ZSCAN18: variants seen among roughly 807,000 people sequenced by gnomAD.
ZSCAN18 encodes zinc finger and SCAN domain-containing protein 18.
A neutral mutation model predicts 31.1 loss-of-function variants in ZSCAN18; 16 were observed. The observed-to-expected ratio is 0.51, with a 90% CI of 0.35 to 0.78. The LOEUF (loss-of-function observed/expected upper bound fraction) is 0.78, where lower values mean the gene tolerates loss of function less well. Among genes scored for constraint, ZSCAN18 ranks in the 30% least tolerant of loss-of-function variants. ZSCAN18 has a pLI of 0.01. For synonymous variants in ZSCAN18, 375 were observed against 320.7 expected, an observed-to-expected ratio of 1.17 and a Z score of -1.81; for missense variants, 731 against 697.4, an observed-to-expected ratio of 1.05 and a Z score of -0.54.
In ZSCAN18 at chr19:58,088,369, T is replaced by C. The variant is rs1378641726; in HGVS notation, c.553+319A>G. 7 of 249,866 alleles carry C rather than the reference T, an allele frequency of 2.8e-5. No individual in the cohort carries two copies. The South Asian group carries it at 3.9e-4, about 14-fold the overall frequency. The allele number at this position is 249,866 out of a possible 1,614,324, so 15.5% of individuals were successfully genotyped here. A position where few individuals can be genotyped will look rare whatever the true frequency, so the allele number is the denominator to read the frequency against. ...TGCATGTGTGATGTGCAGGGAGACA[T>C]GAGGGGACGTGCATCAGGACACTTG... is the stretch of plus-strand genomic sequence containing the variant. On this transcript the variant is annotated intron_variant, in intron 3 of 6. Transcript: ENST00000601144.
chr19:58,109,196 A>C, intron 1 of ZSCAN18: 1 of 1,231,628 alleles, frequency 8.1e-7, no homozygotes. Context: ...CCTAATGCAG[A>C]TAAAACAGGA....
At chr19:58,104,205 C>A (rs1047730992) in intron 1 of ZSCAN18, among the ~76,000 whole-genome samples, 3 of 152,042 alleles carry the variant, frequency 2.0e-5, no homozygotes, top group Non-Finnish European at 4.4e-5. Context: ...ATGGTGAAAC[C>A]CCACCTCTAC....
rs2074651157 is a variant in ZSCAN18 at position 58,108,140 on chromosome 19, GTGGT to G, written c.130+10123_130+10126del. 4 of 987,122 alleles carry G rather than the reference GTGGT, an allele frequency of 4.1e-6. No individual in the cohort carries two copies. The South Asian group carries it at 1.9e-4, about 46-fold the overall frequency. 61.1% of individuals were successfully genotyped at this position (987,122 alleles called of 1,614,324 possible). ...TTTTGATGCAAAAGAGCTGACTGTT[GTGGT>G]TGGAGAATTTTTCACACTCCATACA... On this transcript the variant is annotated intron_variant, in intron 1 of 1. Transcript: ENST00000595721.
chr19:58,088,853 G>C lies in ZSCAN18; in HGVS notation c.404-16C>G. On this transcript the variant is annotated splice_polypyrimidine_tract_variant and intron_variant, in intron 2 of 6. Transcript: ENST00000601144. ...AGCAGCATCCCTGTCAACAGTGGAG[G>C]GACCTGTGACCCCAAGAGGTCAGGA... The C allele has an allele frequency of 1.2e-6, 2 of 1,604,184 alleles. No homozygotes were observed. Among genetic ancestry groups the C allele is most frequent in the South Asian group, 2.2e-5 (2 of 90,694 alleles).
chr19:58,095,541 G>A (rs181504190), intron 1 of ZSCAN18, among the ~76,000 whole-genome samples: 50 of 152,290 alleles, frequency 3.3e-4, no homozygotes, highest in African/African-American at 1.2e-3. Context: ...TCCACAGTGG[G>A]CAGATCCCAG....
chr19:58,111,909 A>T (rs752428501), intron 1 of ZSCAN18, among the ~76,000 whole-genome samples: 4 of 152,242 alleles, frequency 2.6e-5, no homozygotes, highest in Non-Finnish European at 5.9e-5. Context: ...AACATGCGAA[A>T]ATTAGTTAAT....
Position 58,085,062 on chromosome 19 carries a change from A to G in ZSCAN18, c.1156T>C (p.Ser386Pro), listed in dbSNP as rs1424153307. Reference sequence around the variant, plus strand: ...AGCCCTGCGCTGTCGCCGGAGCTAGAGACGCCCTCGAGGCTCTGCCCGTCC... The same window carrying G: ...AGCCCTGCGCTGTCGCCGGAGCTAGGGACGCCCTCGAGGCTCTGCCCGTCC... ...DGDGQSLEGV[S>P]SSGDSAGLEA... Residue 386 changes from serine to proline, a missense_variant, in exon 7 of 7, where the codon TCT (serine) becomes CCT (proline). Coordinates refer to ENST00000601144, the MANE Select transcript of ZSCAN18 (RefSeq NM_001145543.2). 6.2e-7 allele frequency: 1 copy of G among 1,600,630 alleles called. No homozygotes were observed. The highest frequency in any genetic ancestry group is 1.7e-5 in the Admixed American group (1 of 59,080).
chr19:58,094,399 A>C (rs1438255787), intron 1 of ZSCAN18, among the ~76,000 whole-genome samples: 3 of 148,814 alleles, frequency 2.0e-5, no homozygotes, highest in Non-Finnish European at 4.5e-5. Flanking sequence ...CGACAGAGTG[A>C]GACTCTGTCT....
intron 1 of ZSCAN18, among the ~76,000 whole-genome samples, chr19:58,095,724 CAT>C (rs963609172): frequency 2.4e-4 from 37 of 152,192 alleles, no homozygotes; most frequent in Admixed American, 3.9e-4. Flanking sequence ...GTGGGGGACA[CAT>C]GTCAGCCCCT....
upstream of ZSCAN18, among the ~76,000 whole-genome samples, chr19:58,099,931 T>C (rs1043729495): frequency 5.3e-5 from 8 of 150,942 alleles, no homozygotes; most frequent in Non-Finnish European, 1.2e-4. Context: ...CATTTTCTAA[T>C]TTTTAAAAAA....
rs1306342685 is a variant in ZSCAN18, at chr19:58,084,358, A to T, written c.*327T>A. On this transcript the variant is annotated 3_prime_UTR_variant, in exon 7 of 7. Coordinates refer to ENST00000601144, the MANE Select transcript of ZSCAN18 (RefSeq NM_001145543.2). This position sits in a 1 kb window ranked among gnomAD's most constrained non-coding sequence, Gnocchi z 4.5. ...TGAAGAAAGCACTGGCAGATCACGCACTTTAAGGCAACTCTACACTGCACA... is the reference window on the plus strand; with the variant it reads ...TGAAGAAAGCACTGGCAGATCACGCTCTTTAAGGCAACTCTACACTGCACA... 3.8e-6 allele frequency: 1 copy of T among 265,122 alleles called. No homozygotes were observed. The allele number at this position is 265,122 out of a possible 1,614,324, so 16.4% of individuals were successfully genotyped here.
intron 1 of ZSCAN18, chr19:58,093,099 GC>G (rs1001633133): frequency 1.3e-4 from 20 of 151,100 alleles, no homozygotes; most frequent in African/African-American, 4.9e-4. Flanking sequence ...TACCTCATAG[GC>G]CTGAGCTCTC....
rs1206624335 is a variant in ZSCAN18, at chr19:58,084,840, G to C, written c.1378C>G (p.Gln460Glu). ...FHFSLALAEHQKTHEKEKSYA... is the reference protein window; with the variant it reads ...FHFSLALAEHEKTHEKEKSYA... Reference sequence around the variant, plus strand: ...CTTTTCTCCTTCTCGTGGGTCTTCTGGTGCTCGGCTAGGGCCAGGCTGAAG... The same window carrying C: ...CTTTTCTCCTTCTCGTGGGTCTTCTCGTGCTCGGCTAGGGCCAGGCTGAAG... Residue 460 changes from glutamine to glutamate, a missense_variant, in exon 7 of 7, where the codon CAG becomes GAG. This residue lies in a region of ZSCAN18 where 597 missense variants were observed against 499.5 expected (regional missense o/e 1.20). Coordinates refer to ENST00000601144, the MANE Select transcript of ZSCAN18 (RefSeq NM_001145543.2). The surrounding 1 kb of genome is among the most constrained non-coding windows in gnomAD (Gnocchi z 4.5). 6.3e-7 allele frequency: 1 copy of C among 1,599,014 alleles called. No homozygotes were observed. The highest frequency in any genetic ancestry group is 1.3e-5 in the African/African-American group (1 of 74,886).
At chr19:58,103,747 C>A (rs2074612555) in intron 1 of ZSCAN18, among the ~76,000 whole-genome samples, 1 of 152,120 alleles carries the variant, frequency 6.6e-6, no homozygotes, top group South Asian at 2.1e-4. Context: ...CAGAGTCAGA[C>A]CTCTAACTTC....
At chr19:58,087,250 G>T in intron 4 of ZSCAN18, 66 bp downstream of exon 4, 1 of 1,478,934 alleles carries the variant, frequency 6.8e-7, no homozygotes, top group Non-Finnish European at 9.2e-7. Context: ...GAGCACTGGT[G>T]ATGGGGAGGG....
chr19:58,111,124 C>T (rs914495704), intron 1 of ZSCAN18, among the ~76,000 whole-genome samples: 9 of 151,916 alleles, frequency 5.9e-5, no homozygotes, highest in East Asian at 3.9e-4. Context: ...GCTGAGATCG[C>T]GCCACTGCAC....
chr19:58,109,018 G>T (rs2074657837), intron 1 of ZSCAN18: 25 of 1,213,628 alleles, frequency 2.1e-5, no homozygotes, highest in Non-Finnish European at 2.6e-5. Context: ...TGTTGTTTGA[G>T]GACCTCTTTG....
At chr19:58,114,589 C>T (rs2074715208) in intron 1 of ZSCAN18, among the ~76,000 whole-genome samples, 1 of 151,900 alleles carries the variant, frequency 6.6e-6, no homozygotes, top group Non-Finnish European at 1.5e-5. Context: ...TACATATATA[C>T]ATACAAAAAT....
At chr19:58,107,672 A>C in intron 1 of ZSCAN18, 4 of 986,946 alleles carry the variant, frequency 4.1e-6, no homozygotes, top group Non-Finnish European at 4.8e-6. Context: ...TTCAAACAAC[A>C]TAAACTCTTC....
Sources: gnomAD v4.1 joint callset for allele counts (sites outside exome capture counted in the v4.1 genomes callset) on GRCh38, gnomAD v4.1.1 for gene constraint, gnomAD v4.1.1 regional missense constraint, Gnocchi (gnomAD v3.1) non-coding constraint, MANE v1.5 for transcripts, NCBI Gene and HGNC (gene_info 2026-07-23, HGNC 2026-07-21) for gene names.